The following RFX2 variants were observed in gnomAD, a reference collection of about 807,000 sequenced individuals.
RFX2 encodes the protein regulatory factor X2.
In RFX2, 20 loss-of-function variants were observed where a neutral mutation model predicts 87.8. The observed-to-expected ratio is 0.23, with a 90% CI of 0.16 to 0.33. The LOEUF is 0.33. Among genes scored for constraint, RFX2 ranks in the 10% least tolerant of loss-of-function variants. The probability of loss-of-function intolerance (pLI) is 1.00; values close to 1 mark genes in which losing one functional copy is unlikely to be tolerated. For synonymous variants in RFX2, 397 were observed against 431.3 expected (o/e 0.92, Z 0.98); for missense variants, 767 against 1,012.3 (o/e 0.76, Z 3.29).
At position 6,004,512 on chromosome 19, in the gene RFX2, C is replaced by T. The variant is rs1467437149; in HGVS notation, c.1403-214G>A. ...CACCACCCACTGCCTATGCGGGTCT[C>T]ACAGGGGCGATTCTGCCCCAGGGGA... On this transcript the variant is annotated intron_variant, in intron 12 of 17. Coordinates refer to ENST00000303657, the MANE Select transcript of RFX2 (RefSeq NM_000635.4). The surrounding 1 kb of genome is among the most constrained non-coding windows in gnomAD (Gnocchi z 4.8). Among the ~76,000 whole-genome samples, 1 of 152,214 alleles carries T rather than the reference C, an allele frequency of 6.6e-6. No homozygotes were observed. Among genetic ancestry groups the T allele is most frequent in the Non-Finnish European group, 1.5e-5 (1 of 68,036 alleles).
intron 1 of RFX2, among the ~76,000 whole-genome samples, chr19:6,082,928 G>T (rs1271989610): frequency 7.9e-5 from 12 of 152,112 alleles, no homozygotes; most frequent in Non-Finnish European, 4.4e-5. Context: ...TCAACATTTT[G>T]CTCATCATGG....
intron 1 of RFX2, among the ~76,000 whole-genome samples, chr19:6,086,320 ATACT>A (rs2087855420): frequency 6.6e-6 from 1 of 152,184 alleles, no homozygotes; most frequent in African/African-American, 2.4e-5. Context: ...TCACAGAGTG[ATACT>A]TACAGAAACC....
chr19:6,056,041 G>A lies in RFX2; in HGVS notation c.-8-8537C>T, dbSNP rs1006555076. Reference sequence around the variant, plus strand: ...GGTGGGGGGGCAGGTGGCGGTGGGCGAGAGTGACTGGAAAGGGACAGGAGG... The same window carrying A: ...GGTGGGGGGGCAGGTGGCGGTGGGCAAGAGTGACTGGAAAGGGACAGGAGG... On this transcript the variant is annotated intron_variant, in intron 1 of 17. Transcript: ENST00000303657. This position sits in a 1 kb window ranked among gnomAD's most constrained non-coding sequence, Gnocchi z 4.6. Among the ~76,000 whole-genome samples the A allele has an allele frequency of 6.6e-6, 1 of 152,066 alleles. No individual in the cohort carries two copies. The highest frequency in any genetic ancestry group is 2.4e-5 in the African/African-American group (1 of 41,408).
At chr19:6,081,099 C>T (rs941451803) in intron 1 of RFX2, among the ~76,000 whole-genome samples, 1 of 150,534 alleles carries the variant, frequency 6.6e-6, no homozygotes, top group Non-Finnish European at 1.5e-5. Flanking sequence ...CCCACAGGCA[C>T]AATATAATCT....
At chr19:6,098,625 A>G (rs2088063440) in intron 1 of RFX2, among the ~76,000 whole-genome samples, 2 of 152,158 alleles carry the variant, frequency 1.3e-5, no homozygotes, top group South Asian at 4.1e-4. Context: ...AGAGGGGTTA[A>G]AGATACCTTA....
chr19:6,026,510 C>T lies in RFX2; in HGVS notation c.523-273G>A. 1 of 527,684 alleles carries T rather than the reference C, an allele frequency of 1.9e-6. No homozygotes were observed. Among genetic ancestry groups the T allele is most frequent in the Non-Finnish European group, 3.4e-6 (1 of 293,784 alleles). The allele number at this position is 527,684 out of a possible 1,614,324, so 32.7% of individuals were successfully genotyped here. A position where few individuals can be genotyped will look rare whatever the true frequency, so the allele number is the denominator to read the frequency against. On this transcript the variant is annotated intron_variant, in intron 5 of 17. Coordinates refer to ENST00000303657, the MANE Select transcript of RFX2 (RefSeq NM_000635.4). The surrounding 1 kb of genome is among the most constrained non-coding windows in gnomAD (Gnocchi z 4.5). ...GAAATCATGTTGTAAAAACTTGCTACTGAACTTTAACCTGGCATATGTGTG... is the reference window on the plus strand; with the variant it reads ...GAAATCATGTTGTAAAAACTTGCTATTGAACTTTAACCTGGCATATGTGTG...
At chr19:6,094,644 G>A (rs1341674552) in intron 1 of RFX2, among the ~76,000 whole-genome samples, 1 of 152,122 alleles carries the variant, frequency 6.6e-6, no homozygotes, top group African/African-American at 2.4e-5. Context: ...GGCCACACGT[G>A]GCTGCTGAGC....
intron 1 of RFX2, among the ~76,000 whole-genome samples, chr19:6,082,624 G>A (rs1213474976): frequency 6.6e-6 from 1 of 152,132 alleles, no homozygotes; most frequent in Non-Finnish European, 1.5e-5. Flanking sequence ...GTAGAGATGA[G>A]GTTTTGCCAT....
At chr19:6,051,144 T>C (rs968687252) in intron 1 of RFX2, among the ~76,000 whole-genome samples, 1 of 152,356 alleles carries the variant, frequency 6.6e-6, no homozygotes, top group African/African-American at 2.4e-5. Context: ...TAATGGAAGT[T>C]CTTCAGAATG....
chr19:6,009,605 A>G (rs1410405544), intron 9 of RFX2, among the ~76,000 whole-genome samples: 1 of 152,030 alleles, frequency 6.6e-6, no homozygotes, highest in African/African-American at 2.4e-5. Flanking sequence ...TTTTAAAGGC[A>G]GAGTCTCGCT....
At chr19:6,080,838 C>G (rs112714471) in intron 1 of RFX2, among the ~76,000 whole-genome samples, 3,435 of 151,994 alleles carry the variant, frequency 0.023, 138 homozygotes, top group African/African-American at 0.079. Flanking sequence ...GAGTTTGAGA[C>G]CAGCCTGGCC....
chr19:6,095,425 T>G (rs2088007211), intron 1 of RFX2, among the ~76,000 whole-genome samples: 1 of 152,194 alleles, frequency 6.6e-6, no homozygotes, highest in Non-Finnish European at 1.5e-5. Flanking sequence ...TCAAGGGTTT[T>G]GCATGGATGG....
chr19:6,070,192 T>A (rs1293412639), intron 1 of RFX2, among the ~76,000 whole-genome samples: 1 of 25,406 alleles, frequency 3.9e-5, no homozygotes, highest in Non-Finnish European at 7.5e-5. Context: ...TGGGATGGGA[T>A]GGGATGTGGA....
intron 13 of RFX2, among the ~76,000 whole-genome samples, chr19:6,003,680 G>A (rs2086527424): frequency 6.7e-6 from 1 of 150,242 alleles, no homozygotes; most frequent in East Asian, 2.0e-4. Context: ...TCGGGAGGCT[G>A]AGGCAGGAGA....
chr19:6,078,058 T>C (rs1469441246), intron 1 of RFX2: 1 of 150,918 alleles, frequency 6.6e-6, no homozygotes, highest in African/African-American at 2.4e-5. Context: ...GAAAACATTA[T>C]GTTACGTGGA....
At chr19:6,091,721 CTGTT>C (rs1048336776) in intron 1 of RFX2, among the ~76,000 whole-genome samples, 3 of 152,210 alleles carry the variant, frequency 2.0e-5, no homozygotes, top group East Asian at 1.9e-4. Context: ...CCCTAACAGA[CTGTT>C]TGTGAAAATC....
intron 1 of RFX2, among the ~76,000 whole-genome samples, chr19:6,094,642 G>A (rs563138128): frequency 3.0e-4 from 45 of 152,248 alleles, no homozygotes; most frequent in African/African-American, 1.1e-3. Context: ...AGGGCCACAC[G>A]TGGCTGCTGA....
Position 6,008,172 on chromosome 19 carries a change from C to A in RFX2, c.1068G>T (p.Leu356=). The change falls in exon 10 of 18, where the codon CTG becomes CTT. Residue 356 remains leucine, a synonymous_variant. Transcript: ENST00000303657. The part of the protein sequence containing the change: ...EFPAPDLGSF[L]LQDGVTLHDV... Reference sequence around the variant, plus strand: ...CGTGCAGTGTGACGCCGTCCTGCAGCAGGAAGCTGCCCAGGTCGGGCGCTG... The same window carrying A: ...CGTGCAGTGTGACGCCGTCCTGCAGAAGGAAGCTGCCCAGGTCGGGCGCTG... The A allele has an allele frequency of 6.4e-7, 1 of 1,561,014 alleles. No individual in the cohort carries two copies. The highest frequency in any genetic ancestry group is 8.7e-7 in the Non-Finnish European group (1 of 1,150,896).
rs1448988037 is a variant in RFX2, at chr19:6,026,943, C to T, written c.523-706G>A. Among the ~76,000 whole-genome samples the T allele has an allele frequency of 6.6e-6, 1 of 152,176 alleles. No individual in the cohort carries two copies. The highest frequency in any genetic ancestry group is 1.5e-5 in the Non-Finnish European group (1 of 68,022). ...GCTTTTGAGTTGGATCCTGAAGGAC[C>T]TGATGGAGGTGGGGAGGGAGGTGGG... is the stretch of plus-strand genomic sequence containing the variant. On this transcript the variant is annotated intron_variant, in intron 5 of 17. Transcript: ENST00000303657. This position sits in a 1 kb window ranked among gnomAD's most constrained non-coding sequence, Gnocchi z 4.5.
Sources: allele counts gnomAD v4.1 joint callset (sites outside exome capture counted in the v4.1 genomes callset), GRCh38; gene constraint gnomAD v4.1.1; non-coding constraint Gnocchi (gnomAD v3.1); transcripts MANE v1.5; gene names NCBI Gene and HGNC (gene_info 2026-07-23, HGNC 2026-07-21).